Variants in EYA4 observed in about 807,000 individuals in gnomAD.
EYA4 encodes EYA transcriptional coactivator and phosphatase 4.
In EYA4, 31 loss-of-function variants were observed where a neutral mutation model predicts 87.9. That is an observed-to-expected ratio of 0.35 (90% CI 0.27 to 0.48). EYA4 has a LOEUF of 0.48. Ranked by LOEUF, EYA4 falls within the 20% of genes least tolerant of loss-of-function variation. The pLI is 0.99. For missense variants in EYA4, 678 were observed against 761.4 expected (o/e 0.89, Z 1.29); for synonymous variants, 263 against 270.6 (o/e 0.97, Z 0.28).
intron 2 of EYA4, among the ~76,000 whole-genome samples, chr6:133,371,059 T>A (rs1785229207): frequency 1.3e-5 from 2 of 152,160 alleles, no homozygotes; most frequent in African/African-American, 4.8e-5. Flanking sequence ...GAAGTGTAAA[T>A]TGCTGTTTTG....
intron 2 of EYA4, among the ~76,000 whole-genome samples, chr6:133,318,180 T>C (rs1780771815): frequency 1.3e-5 from 2 of 152,226 alleles, no homozygotes; most frequent in South Asian, 4.1e-4. Flanking sequence ...TGCTGAAGCA[T>C]GGCAATTTGT....
intron 2 of EYA4, among the ~76,000 whole-genome samples, chr6:133,362,189 A>G (rs1186110838): frequency 6.6e-6 from 1 of 152,142 alleles, no homozygotes; most frequent in Non-Finnish European, 1.5e-5. Context: ...CCCCTCCTGT[A>G]GACTATCACA....
chr6:133,435,008 G>T (rs1378540940), intron 3 of EYA4: 1 of 152,086 alleles, frequency 6.6e-6, no homozygotes, highest in Non-Finnish European at 1.5e-5. Flanking sequence ...AAAATCCATT[G>T]GATTTTTGTT....
chr6:133,262,975 T>A, intron 1 of EYA4, among the ~76,000 whole-genome samples: 1 of 152,182 alleles, frequency 6.6e-6, no homozygotes, highest in East Asian at 1.9e-4. Flanking sequence ...TGCATCTCCA[T>A]GTCTCTGAAC....
At chr6:133,258,291 G>T (rs1382418366) in intron 1 of EYA4, among the ~76,000 whole-genome samples, 2 of 152,122 alleles carry the variant, frequency 1.3e-5, no homozygotes, top group African/African-American at 4.8e-5. Context: ...CTTTACATTT[G>T]GTTCAGTCAA....
intron 12 of EYA4, 88 bp from the exon 13 acceptor site, chr6:133,482,944 C>A (rs963306128): frequency 1.9e-6 from 2 of 1,079,718 alleles, no homozygotes; most frequent in South Asian, 1.3e-5. Flanking sequence ...TCAAGATGAT[C>A]TCTAGGAAGG....
Position 133,343,284 on chromosome 6 carries a change from A to C in EYA4, c.34-39108A>C, listed in dbSNP as rs748952632. Among the ~76,000 whole-genome samples the C allele has an allele frequency of 4.5e-4, 68 of 152,278 alleles. 1 individual carries two copies. The highest frequency in any genetic ancestry group is 7.8e-4 in the Non-Finnish European group (53 of 68,018). On this transcript the variant is annotated intron_variant, in intron 2 of 19. Coordinates refer to ENST00000355286, the MANE Select transcript of EYA4 (RefSeq NM_004100.5). ...CTCCTCAACTGTATTTACCAGGATG[A>C]CCCTGTGACCTTTCTTTTACTTTAG...
intron 2 of EYA4, among the ~76,000 whole-genome samples, chr6:133,290,166 G>C (rs1778374050): frequency 6.6e-6 from 1 of 152,120 alleles, no homozygotes; most frequent in Non-Finnish European, 1.5e-5. Context: ...GATTTGATGA[G>C]GTGAGCTCTA....
At chr6:133,528,582 C>A (rs1370223062) in intron 19 of EYA4, 143 bp from the exon 20 acceptor site, 9 of 773,890 alleles carry the variant, frequency 1.2e-5, no homozygotes, top group African/African-American at 1.7e-5. Context: ...GATCATCCCG[C>A]CTTTAAACTC....
At chr6:133,463,914 A>G (rs368686569) in intron 9 of EYA4, among the ~76,000 whole-genome samples, 1 of 152,040 alleles carries the variant, frequency 6.6e-6, no homozygotes, top group Non-Finnish European at 1.5e-5. Flanking sequence ...AAAGCATGCT[A>G]TAGCCACAAA....
At chr6:133,329,809 A>G (rs1282986305) in intron 2 of EYA4, among the ~76,000 whole-genome samples, 1 of 152,106 alleles carries the variant, frequency 6.6e-6, no homozygotes, top group Non-Finnish European at 1.5e-5. Context: ...TTGGCATGGT[A>G]CAAATCACAT....
chr6:133,249,300 C>T (rs1311654375), intron 1 of EYA4, among the ~76,000 whole-genome samples: 2 of 152,130 alleles, frequency 1.3e-5, no homozygotes, highest in African/African-American at 4.8e-5. Context: ...CACACTTGTT[C>T]GTATTAATGT....
chr6:133,398,121 G>C (rs548695542), intron 3 of EYA4, among the ~76,000 whole-genome samples: 24 of 152,178 alleles, frequency 1.6e-4, no homozygotes, highest in Non-Finnish European at 2.2e-4. Context: ...AAAAGAAAAG[G>C]GGGGGAGGAC....
chr6:133,416,618 G>T (rs78849389), intron 3 of EYA4, among the ~76,000 whole-genome samples: 3 of 152,060 alleles, frequency 2.0e-5, no homozygotes, highest in Non-Finnish European at 2.9e-5. Context: ...AAAGCATTAC[G>T]TATATATTAT....
intron 3 of EYA4, 24 bp from the exon 4 acceptor site, chr6:133,446,606 C>G (rs375451007): frequency 5.6e-6 from 9 of 1,613,526 alleles, no homozygotes; most frequent in African/African-American, 1.3e-5. Flanking sequence ...TTCAACTTTT[C>G]TCTGCTGCTT....
intron 2 of EYA4, chr6:133,360,087 A>G (rs1038313471): frequency 3.3e-5 from 5 of 152,326 alleles, no homozygotes; most frequent in African/African-American, 1.2e-4. Flanking sequence ...GAAAGAAGTA[A>G]TACCTGATAC....
chr6:133,289,045 C>G (rs1213943131), intron 2 of EYA4, among the ~76,000 whole-genome samples: 1 of 152,148 alleles, frequency 6.6e-6, no homozygotes, highest in Non-Finnish European at 1.5e-5. Context: ...AGACACAGAA[C>G]AGCAATTGAA....
chr6:133,424,322 G>GT lies in EYA4; in HGVS notation c.84-22307dup, dbSNP rs538780036. Among the ~76,000 whole-genome samples the GT allele has an allele frequency of 1.3e-4, 20 of 152,268 alleles. No individual in the cohort carries two copies. In the East Asian group the frequency reaches 3.3e-3, roughly 25 times the overall value. On this transcript the variant is annotated intron_variant, in intron 3 of 19. Transcript: ENST00000355286. Reference sequence around the variant, plus strand: ...CCCCACTCTGGTCTGCAGGACTGGCGTCCCAGCCCCCAGCCTTCAGGCCCT... The same window carrying GT: ...CCCCACTCTGGTCTGCAGGACTGGCGTTCCCAGCCCCCAGCCTTCAGGCCCT...
rs1029890565 is a variant in EYA4, at chr6:133,512,747, T to C, written c.1308T>C (p.Asp436=). ...LEECDQVHID[D]VSSDDNGQDL... is the part of the protein sequence containing the mutation. ...AGTGTGATCAAGTTCATATAGATGA[T>C]GTTTCCTCTGATGATAATGGGCAGG... Residue 436 remains aspartate, a synonymous_variant, in exon 15 of 20, where the codon GAT becomes GAC. Coordinates refer to ENST00000355286, the MANE Select transcript of EYA4 (RefSeq NM_004100.5). 6.2e-6 allele frequency: 10 copies of C among 1,613,118 alleles called. No homozygotes were observed. The Admixed American group carries it at 8.3e-5, about 13-fold the overall frequency.
Sources: allele counts gnomAD v4.1 joint callset (sites outside exome capture counted in the v4.1 genomes callset), GRCh38; gene constraint gnomAD v4.1.1; transcripts MANE v1.5; gene names NCBI Gene and HGNC (gene_info 2026-07-23, HGNC 2026-07-21).